The following COL4A1 variants were observed in gnomAD, a reference collection of about 807,000 sequenced individuals.
COL4A1 encodes collagen alpha-1(IV) chain.
In COL4A1, 40 loss-of-function variants were observed where a neutral mutation model predicts 216.6. That is an observed-to-expected ratio of 0.18 (90% CI 0.14 to 0.24). The LOEUF (loss-of-function observed/expected upper bound fraction) is 0.24, where lower values mean the gene tolerates loss of function less well. COL4A1 is among the 10% of genes least tolerant of loss of function. The probability of loss-of-function intolerance (pLI) is 1.00; values close to 1 mark genes in which losing one functional copy is unlikely to be tolerated. For missense variants in COL4A1, 1,628 were observed against 2,196.8 expected, an observed-to-expected ratio of 0.74 and a Z score of 5.18; for synonymous variants, 839 against 810.7, an observed-to-expected ratio of 1.03 and a Z score of -0.59.
intron 40 of COL4A1, 62 bp downstream of exon 40, chr13:110,173,838 T>G: frequency 1.9e-6 from 3 of 1,592,262 alleles, no homozygotes; most frequent in Non-Finnish European, 2.6e-6. Flanking sequence ...ACACAGGCAG[T>G]CTGCAGGTCT....
intron 48 of COL4A1, 74 bp downstream of exon 48, chr13:110,162,156 G>A (rs185711350): frequency 5.2e-5 from 70 of 1,337,472 alleles, no homozygotes; most frequent in Admixed American, 2.0e-4. Flanking sequence ...CAGCAGAGGC[G>A]AGTCCAGCAC....
chr13:110,239,199 G>A (rs1220425900), intron 2 of COL4A1, among the ~76,000 whole-genome samples: 4 of 152,048 alleles, frequency 2.6e-5, no homozygotes, highest in African/African-American at 7.2e-5. Flanking sequence ...AGATTATAAC[G>A]CCAGCAATGA....
chr13:110,291,655 T>C (rs1884094353), intron 1 of COL4A1, among the ~76,000 whole-genome samples: 2 of 152,290 alleles, frequency 1.3e-5, no homozygotes, highest in South Asian at 2.1e-4. Flanking sequence ...CCCAAGTACA[T>C]CGCACCTTTT....
At chr13:110,243,373 A>T (rs187765559) in intron 1 of COL4A1, among the ~76,000 whole-genome samples, 1 of 152,072 alleles carries the variant, frequency 6.6e-6, no homozygotes, top group East Asian at 1.9e-4. Context: ...GCTGGAGTGC[A>T]ATGGCGTGAT....
At position 110,287,636 on chromosome 13, in the gene COL4A1, G is replaced by A. The variant is rs145259653; in HGVS notation, c.84+19308C>T. 3.1e-3 allele frequency among the ~76,000 whole-genome samples: 465 copies of A among 152,332 alleles called. 4 individuals are homozygous for A. Among genetic ancestry groups the A allele is most frequent in the African/African-American group, 0.011 (444 of 41,582 alleles). On this transcript the variant is annotated intron_variant, in intron 1 of 51. Coordinates refer to ENST00000375820, the MANE Select transcript of COL4A1 (RefSeq NM_001845.6). Reference sequence around the variant, plus strand: ...CTGCTGTGAGACCCAGAAAGAAGCCGGCACGTCCTTGAGCGCCGTACAGTG... The same window carrying A: ...CTGCTGTGAGACCCAGAAAGAAGCCAGCACGTCCTTGAGCGCCGTACAGTG...
rs1878707030 is a variant in COL4A1 at position 110,192,900 on chromosome 13, C to T, written c.1395G>A (p.Glu465=). The part of the protein sequence containing the change: ...GEIGEKGQKG[E]SCLICDIDGY... Reference sequence around the variant, plus strand: ...CGTCTATATCACAGATGAGGCAACTCTCTCCTTTTTGACCTAAAAAAGAAA... The same window carrying T: ...CGTCTATATCACAGATGAGGCAACTTTCTCCTTTTTGACCTAAAAAAGAAA... The change falls in exon 23 of 52, where the codon GAG becomes GAA. Residue 465 remains glutamate, a synonymous_variant. Transcript: ENST00000375820. 6.2e-7 allele frequency: 1 copy of T among 1,614,080 alleles called. No individual in the cohort carries two copies. The highest frequency in any genetic ancestry group is 1.7e-5 in the Admixed American group (1 of 60,010).
chr13:110,235,098 C>A (rs140163019), intron 2 of COL4A1, among the ~76,000 whole-genome samples: 112 of 152,230 alleles, frequency 7.4e-4, no homozygotes, highest in African/African-American at 2.6e-3. Flanking sequence ...ATTTGAAATT[C>A]TCACTAAGTC....
intron 21 of COL4A1, among the ~76,000 whole-genome samples, chr13:110,198,045 T>C (rs753053991): frequency 4.6e-5 from 7 of 151,410 alleles, no homozygotes; most frequent in Non-Finnish European, 7.4e-5. Context: ...AATGTAATCT[T>C]TACCCATGTA....
chr13:110,165,700 T>C (rs570622558), intron 45 of COL4A1, among the ~76,000 whole-genome samples: 1 of 152,206 alleles, frequency 6.6e-6, no homozygotes, highest in Non-Finnish European at 1.5e-5. Context: ...AATGATGCCC[T>C]AGAAGTATGG....
intron 26 of COL4A1, among the ~76,000 whole-genome samples, chr13:110,185,705 C>A (rs796316976): frequency 6.6e-6 from 1 of 152,140 alleles, no homozygotes; most frequent in African/African-American, 2.4e-5. Context: ...CAAGGCCTAG[C>A]GCCACAGCCC....
intron 34 of COL4A1, 35 bp from the exon 35 acceptor site, chr13:110,176,759 A>T: frequency 6.2e-7 from 1 of 1,612,760 alleles, no homozygotes; most frequent in Non-Finnish European, 8.5e-7. Context: ...AATGACCCGC[A>T]TTTGCTTGCA....
chr13:110,292,915 T>C lies in COL4A1; in HGVS notation c.84+14029A>G, dbSNP rs567156768. Among the ~76,000 whole-genome samples, 8 of 152,286 alleles carry C rather than the reference T, an allele frequency of 5.3e-5. No individual in the cohort carries two copies. The East Asian group carries it at 1.3e-3, about 26-fold the overall frequency. On this transcript the variant is annotated intron_variant, in intron 1 of 51. Coordinates refer to ENST00000375820, the MANE Select transcript of COL4A1 (RefSeq NM_001845.6). ...CTAGCATACAAAGGCAACTGCCAGG[T>C]AATCTGTGTCACTTAACAGCCAAAG...
intron 2 of COL4A1, among the ~76,000 whole-genome samples, chr13:110,233,462 G>A (rs1881160666): frequency 6.6e-6 from 1 of 152,098 alleles, no homozygotes; most frequent in Admixed American, 6.6e-5. Context: ...TTTGGGGGGT[G>A]GAATCCATTA....
At chr13:110,264,314 G>A (rs1338107870) in intron 1 of COL4A1, among the ~76,000 whole-genome samples, 3 of 152,154 alleles carry the variant, frequency 2.0e-5, no homozygotes, top group Admixed American at 6.5e-5. Flanking sequence ...GCCATTCCCA[G>A]TAGAATCATT....
At chr13:110,290,874 G>A (rs1185923460) in intron 1 of COL4A1, among the ~76,000 whole-genome samples, 1 of 152,206 alleles carries the variant, frequency 6.6e-6, no homozygotes, top group Non-Finnish European at 1.5e-5. Context: ...GTGACGCTGG[G>A]CACTCTGCTA....
chr13:110,202,840 T>C (rs572217146), intron 18 of COL4A1, among the ~76,000 whole-genome samples: 31 of 152,300 alleles, frequency 2.0e-4, no homozygotes, highest in African/African-American at 2.9e-4. Flanking sequence ...AAAATAAAAA[T>C]TGTTTTACCA....
chr13:110,256,152 A>T (rs1594095883), intron 1 of COL4A1, among the ~76,000 whole-genome samples: 1 of 152,068 alleles, frequency 6.6e-6, no homozygotes, highest in Non-Finnish European at 1.5e-5. Flanking sequence ...TCCCCATGAA[A>T]TCTCCGGCTA....
At chr13:110,272,903 G>C (rs1566435350) in intron 1 of COL4A1, among the ~76,000 whole-genome samples, 1 of 152,130 alleles carries the variant, frequency 6.6e-6, no homozygotes, top group Non-Finnish European at 1.5e-5. Context: ...AACTGATAAG[G>C]GATGCTGGAC....
chr13:110,239,055 T>C (rs1000248448), intron 2 of COL4A1, among the ~76,000 whole-genome samples: 1 of 152,160 alleles, frequency 6.6e-6, no homozygotes, highest in Admixed American at 6.5e-5. Flanking sequence ...TCTGAAGATA[T>C]GAGTGGCCTT....
Sources: gnomAD v4.1 joint callset for allele counts (sites outside exome capture counted in the v4.1 genomes callset) on GRCh38, gnomAD v4.1.1 for gene constraint, MANE v1.5 for transcripts, NCBI Gene and HGNC (gene_info 2026-07-23, HGNC 2026-07-21) for gene names.